The following METTL8 variants were observed in gnomAD, a reference collection of about 807,000 sequenced individuals.
The protein encoded by METTL8 is methyltransferase 8, tRNA N3-cytidine.
METTL8 carries 32 observed loss-of-function variants against 48.7 expected under a neutral mutation model. The observed-to-expected ratio is 0.66, with a 90% confidence interval of 0.50 to 0.88. The LOEUF is 0.88. Ranked by LOEUF, METTL8 falls within the 40% of genes least tolerant of loss-of-function variation. METTL8 has a pLI of 0.00. For synonymous variants in METTL8, 136 were observed against 157.1 expected, an observed-to-expected ratio of 0.87 and a Z score of 1.01; for missense variants, 464 against 474.4, an observed-to-expected ratio of 0.98 and a Z score of 0.20.
chr2:171,418,771 T>C (rs906755968), intron 1 of METTL8, among the ~76,000 whole-genome samples: 3 of 151,994 alleles, frequency 2.0e-5, no homozygotes, highest in African/African-American at 7.3e-5. Context: ...CTGGACAACA[T>C]GGCGAAACCC....
chr2:171,413,936 G>GA (rs1691011474), intron 1 of METTL8, among the ~76,000 whole-genome samples: 1 of 151,922 alleles, frequency 6.6e-6, no homozygotes, highest in African/African-American at 2.4e-5. Context: ...AAATTTTAAA[G>GA]AAAAAATTAG....
chr2:171,413,514 G>A (rs889316235), intron 1 of METTL8, among the ~76,000 whole-genome samples: 2 of 152,006 alleles, frequency 1.3e-5, no homozygotes, highest in African/African-American at 4.8e-5. Context: ...CATACAATGG[G>A]TTTATTAGTC....
intron 7 of METTL8, among the ~76,000 whole-genome samples, chr2:171,329,247 TC>T: frequency 6.6e-6 from 1 of 152,374 alleles, no homozygotes; most frequent in Non-Finnish European, 1.5e-5. Flanking sequence ...CACCTCGGCT[TC>T]CCAAAGTGCT....
At chr2:171,325,171 CTTCT>C (rs1351390734) in intron 9 of METTL8, among the ~76,000 whole-genome samples, 13 of 149,226 alleles carry the variant, frequency 8.7e-5, no homozygotes, top group Non-Finnish European at 1.8e-4. Flanking sequence ...AGTAATTTTC[CTTCT>C]TTCTATTTTG....
chr2:171,400,070 T>C (rs1374728814), intron 1 of METTL8, among the ~76,000 whole-genome samples: 1 of 152,110 alleles, frequency 6.6e-6, no homozygotes, highest in Non-Finnish European at 1.5e-5. Flanking sequence ...ATATTTACCA[T>C]GTGTGATGAC....
At chr2:171,379,554 A>C (rs1462385812) in intron 2 of METTL8, among the ~76,000 whole-genome samples, 1 of 151,946 alleles carries the variant, frequency 6.6e-6, no homozygotes, top group Non-Finnish European at 1.5e-5. Context: ...CAAATAGATG[A>C]AAAATGATAA....
At chr2:171,404,729 G>A (rs893530007) in intron 1 of METTL8, among the ~76,000 whole-genome samples, 3 of 152,218 alleles carry the variant, frequency 2.0e-5, no homozygotes, top group African/African-American at 7.2e-5. Flanking sequence ...ACCGATGACT[G>A]ATCAATGAAA....
At chr2:171,403,785 A>T (rs959237933) in intron 1 of METTL8, among the ~76,000 whole-genome samples, 2 of 151,740 alleles carry the variant, frequency 1.3e-5, no homozygotes, top group Non-Finnish European at 2.9e-5. Context: ...CTATGATGTG[A>T]GGGGCAGACA....
At chr2:171,391,126 A>G (rs1406454250) in intron 2 of METTL8, among the ~76,000 whole-genome samples, 1 of 152,236 alleles carries the variant, frequency 6.6e-6, no homozygotes, top group African/African-American at 2.4e-5. Flanking sequence ...GTCAGCAGCC[A>G]TCAACACTGA....
intron 2 of METTL8, among the ~76,000 whole-genome samples, chr2:171,387,321 G>T (rs973288125): frequency 6.6e-6 from 1 of 152,008 alleles, no homozygotes; most frequent in Non-Finnish European, 1.5e-5. Flanking sequence ...TCTGAGCAGC[G>T]GGGCACTGAA....
chr2:171,408,584 G>A (rs866326469), intron 1 of METTL8, among the ~76,000 whole-genome samples: 2 of 152,138 alleles, frequency 1.3e-5, no homozygotes, highest in Non-Finnish European at 2.9e-5. Flanking sequence ...GAGCCACCGT[G>A]ACCAGCTGCT....
intron 1 of METTL8, among the ~76,000 whole-genome samples, chr2:171,431,303 A>C (rs1287913173): frequency 6.6e-6 from 1 of 152,210 alleles, no homozygotes; most frequent in East Asian, 1.9e-4. Flanking sequence ...CCACGAGCAC[A>C]CTGGAAGGAT....
chr2:171,423,129 A>T (rs1198300925), intron 1 of METTL8, among the ~76,000 whole-genome samples: 1 of 152,200 alleles, frequency 6.6e-6, no homozygotes, highest in Non-Finnish European at 1.5e-5. Context: ...TGCTGCTGCC[A>T]TGTGAAGAAC....
chr2:171,331,695 G>A lies in METTL8; in HGVS notation c.720+109C>T. ...GCCTCCCAAAGTGCTGGGATTACAG[G>A]TGTGAGCCACCACGCCCTGCCTCTA... On this transcript the variant is annotated intron_variant, in intron 6 of 9. Coordinates refer to ENST00000375258, the MANE Select transcript of METTL8 (RefSeq NM_001321154.2). The A allele has an allele frequency of 3.6e-6, 3 of 841,406 alleles. No individual in the cohort carries two copies. The East Asian group carries it at 8.7e-5, about 25-fold the overall frequency. The allele number at this position is 841,406 out of a possible 1,614,324, so 52.1% of individuals were successfully genotyped here. A position where few individuals can be genotyped will look rare whatever the true frequency, so the allele number is the denominator to read the frequency against.
At chr2:171,397,379 A>ACAACAT (rs1689193318) in intron 1 of METTL8, among the ~76,000 whole-genome samples, 1 of 137,806 alleles carries the variant, frequency 7.3e-6, no homozygotes, top group Non-Finnish European at 1.6e-5. Context: ...AAAAAAAAAA[A>ACAACAT]CAACATCAAC....
Position 171,367,113 on chromosome 2 carries a change from A to G in METTL8, c.144-6600T>C, listed in dbSNP as rs142548281. ...TAGAAAAGAGAGACAAAATGAGTTA[A>G]AAATAATAATAAAGAAATACTAAAA... On this transcript the variant is annotated intron_variant, in intron 2 of 9. Coordinates refer to ENST00000375258, the MANE Select transcript of METTL8 (RefSeq NM_001321154.2). Among the ~76,000 whole-genome samples the G allele has an allele frequency of 1.8e-3, 281 of 152,240 alleles. 3 individuals carry two copies. Among genetic ancestry groups the G allele is most frequent in the Admixed American group, 0.016 (250 of 15,286 alleles).
intron 1 of METTL8, among the ~76,000 whole-genome samples, chr2:171,396,308 A>G (rs184452670): frequency 1.3e-5 from 2 of 152,074 alleles, no homozygotes; most frequent in Non-Finnish European, 2.9e-5. Flanking sequence ...TAAATCCCAA[A>G]GTATTAAAAT....
chr2:171,331,625 C>T (rs571132209), intron 6 of METTL8, 179 bp downstream of exon 6: 2 of 515,520 alleles, frequency 3.9e-6, no homozygotes, highest in Admixed American at 3.1e-5. Context: ...CCATGTTGGC[C>T]AGGCTGGTCT....
At chr2:171,343,840 A>T (rs1007090616) in intron 3 of METTL8, among the ~76,000 whole-genome samples, 2 of 152,166 alleles carry the variant, frequency 1.3e-5, no homozygotes, top group Non-Finnish European at 2.9e-5. Flanking sequence ...CAGACTACAA[A>T]ATCTTGGATC....
Sources: allele counts gnomAD v4.1 joint callset (sites outside exome capture counted in the v4.1 genomes callset), GRCh38; gene constraint gnomAD v4.1.1; transcripts MANE v1.5; gene names NCBI Gene and HGNC (gene_info 2026-07-23, HGNC 2026-07-21).